WDPCP: variants seen among roughly 807,000 people sequenced by gnomAD.
WDPCP encodes the protein WD repeat containing planar cell polarity effector, also known as WD repeat-containing and planar cell polarity effector protein fritz homolog.
Under a neutral mutation model 93.1 loss-of-function variants are expected in WDPCP, and 71 were observed. That is an observed-to-expected ratio of 0.76 (90% CI 0.63 to 0.93). The LOEUF is 0.93. WDPCP is among the 40% of genes least tolerant of loss of function. WDPCP has a pLI of 0.00. For synonymous variants in WDPCP, 315 were observed against 315.0 expected (o/e 1.00, Z 0.00); for missense variants, 844 against 887.4 (o/e 0.95, Z 0.62).
intron 14 of WDPCP, among the ~76,000 whole-genome samples, chr2:63,235,541 A>G (rs920375324): frequency 6.6e-6 from 1 of 152,176 alleles, no homozygotes; most frequent in African/African-American, 2.4e-5. Context: ...CAAAGACACA[A>G]TGAAAACAGA....
At chr2:63,776,655 C>CAAAAAAAAAAAAAAAAAAAA in intron 2 of WDPCP, among the ~76,000 whole-genome samples, 1 of 54,008 alleles carries the variant, frequency 1.9e-5, no homozygotes, top group Non-Finnish European at 3.2e-5. Context: ...GGCCCTGTCT[C>CAAAAAAAAAAAAAAAAAAAA]AAAAAAAAAA....
At chr2:63,546,174 T>G (rs938283772) in intron 1 of WDPCP, among the ~76,000 whole-genome samples, 6 of 152,150 alleles carry the variant, frequency 3.9e-5, no homozygotes, top group African/African-American at 1.4e-4. Context: ...ATCAGCAAAA[T>G]GGAGAAATGG....
Position 63,588,206 on chromosome 2 carries a change from G to T in WDPCP, c.66C>A (p.Leu22=). Residue 22 remains leucine, a synonymous_variant, in exon 1 of 18, where the codon CTC becomes CTA. Coordinates refer to ENST00000272321, the MANE Select transcript of WDPCP (RefSeq NM_015910.7). The stretch of plus-strand genomic sequence containing the variant: ...TCGGGCCAGGGCTCACCTGTCTCGG[G>T]AGTGGGGAAGAAGCGCGACTCCCGG... ...KAAGSRASSP[L]PRQDRDSFCH... is the part of the protein sequence containing the mutation. The T allele has an allele frequency of 6.4e-7, 1 of 1,569,632 alleles. No homozygotes were observed. The highest frequency in any genetic ancestry group is 8.7e-7 in the Non-Finnish European group (1 of 1,155,050).
At chr2:63,775,838 G>T (rs561747320) in intron 2 of WDPCP, among the ~76,000 whole-genome samples, 2 of 152,216 alleles carry the variant, frequency 1.3e-5, no homozygotes, top group African/African-American at 4.8e-5. Context: ...ATACCCAGAT[G>T]CCCAGGCTTA....
At chr2:63,736,339 G>C (rs904508187) in intron 2 of WDPCP, among the ~76,000 whole-genome samples, 2 of 152,214 alleles carry the variant, frequency 1.3e-5, no homozygotes, top group Non-Finnish European at 2.9e-5. Context: ...AGGTATTGCT[G>C]TCTGGATGAA....
In WDPCP at chr2:63,135,886, G is replaced by C. The variant is rs551870653; in HGVS notation, c.2191-13830C>G. Among the ~76,000 whole-genome samples the C allele has an allele frequency of 8.5e-5, 13 of 152,088 alleles. No individual in the cohort carries two copies. The East Asian group carries it at 1.9e-3, about 23-fold the overall frequency. ...AGCTGGGACTACAGGCACGTGTACC[G>C]TGTCTGGCTAATTAAAAAAAATTTT... is the stretch of plus-strand genomic sequence containing the variant. On this transcript the variant is annotated intron_variant, in intron 17 of 17. Coordinates refer to ENST00000272321, the MANE Select transcript of WDPCP (RefSeq NM_015910.7).
At chr2:63,273,405 G>T (rs543255838) in intron 13 of WDPCP, among the ~76,000 whole-genome samples, 2 of 145,258 alleles carry the variant, frequency 1.4e-5, no homozygotes, top group African/African-American at 2.5e-5. Context: ...AAGAGAGGAA[G>T]AAAAGAATAA....
chr2:63,146,671 G>A (rs1042497694), intron 17 of WDPCP, among the ~76,000 whole-genome samples: 10 of 152,138 alleles, frequency 6.6e-5, no homozygotes, highest in African/African-American at 2.4e-4. Flanking sequence ...CACTGTTCCC[G>A]GCCGAGAGTT....
At chr2:63,461,239 A>G (rs1038475897) in intron 6 of WDPCP, among the ~76,000 whole-genome samples, 6 of 152,146 alleles carry the variant, frequency 3.9e-5, no homozygotes, top group African/African-American at 1.4e-4. Flanking sequence ...CCAGTGTTGG[A>G]GGTGGGGCCT....
intron 14 of WDPCP, among the ~76,000 whole-genome samples, chr2:63,235,203 C>G (rs1173256940): frequency 6.6e-6 from 1 of 152,086 alleles, no homozygotes; most frequent in Non-Finnish European, 1.5e-5. Context: ...TCCTCAGAAA[C>G]TGATACAAAC....
chr2:63,172,445 C>A (rs576649482), intron 15 of WDPCP, among the ~76,000 whole-genome samples: 1 of 152,196 alleles, frequency 6.6e-6, no homozygotes, highest in South Asian at 2.1e-4. Context: ...GAGGTCAAGG[C>A]TGCAGTAAGC....
chr2:63,670,613 G>T (rs56679885), intron 2 of WDPCP, among the ~76,000 whole-genome samples: 2,166 of 152,258 alleles, frequency 0.014, 58 homozygotes, highest in African/African-American at 0.049. Context: ...TAGAGGTAAA[G>T]TGTATATGGT....
intron 3 of WDPCP, among the ~76,000 whole-genome samples, chr2:63,602,347 G>GTTTTTTTTTTTTTTTTT (rs144884000): frequency 9.6e-6 from 1 of 104,004 alleles, no homozygotes; most frequent in African/African-American, 3.7e-5. Context: ...GTTGGTTGGG[G>GTTTTTTTTTTTTTTTTT]TTTTTTTTTT....
rs187160569 is a variant in WDPCP, at chr2:63,231,971, A to G, written c.1915+27336T>C. Among the ~76,000 whole-genome samples, 43 of 152,312 alleles carry G rather than the reference A, an allele frequency of 2.8e-4. No homozygotes were observed. In the East Asian group the frequency reaches 7.9e-3, roughly 28 times the overall value. Reference sequence around the variant, plus strand: ...GTACCCAAAACAGCATGGTACTGGTACCAAAACAGAGATATAGACCAATGC... The same window carrying G: ...GTACCCAAAACAGCATGGTACTGGTGCCAAAACAGAGATATAGACCAATGC... On this transcript the variant is annotated intron_variant, in intron 14 of 17. Coordinates refer to ENST00000272321, the MANE Select transcript of WDPCP (RefSeq NM_015910.7).
intron 13 of WDPCP, among the ~76,000 whole-genome samples, chr2:63,310,208 C>T (rs1437644391): frequency 6.6e-6 from 1 of 152,114 alleles, no homozygotes; most frequent in Non-Finnish European, 1.5e-5. Context: ...GCATTATCAT[C>T]ACCACAGGTA....
intron 13 of WDPCP, among the ~76,000 whole-genome samples, chr2:63,289,464 T>C (rs1260925022): frequency 6.6e-6 from 1 of 152,082 alleles, no homozygotes; most frequent in Non-Finnish European, 1.5e-5. Context: ...TTTAGAGAAG[T>C]ATTATTTACT....
intron 10 of WDPCP, among the ~76,000 whole-genome samples, chr2:63,393,150 G>A (rs534761710): frequency 6.6e-6 from 1 of 152,314 alleles, no homozygotes; most frequent in Admixed American, 6.5e-5. Flanking sequence ...GTCCATCAGT[G>A]ATAGACTGGA....
chr2:63,541,342 G>A (rs1266546046), intron 1 of WDPCP, among the ~76,000 whole-genome samples: 2 of 151,996 alleles, frequency 1.3e-5, no homozygotes, highest in Admixed American at 6.6e-5. Flanking sequence ...GTAAACAAAT[G>A]GCTTGTTACT....
chr2:63,529,881 G>T (rs571738967), intron 1 of WDPCP, among the ~76,000 whole-genome samples: 2 of 152,284 alleles, frequency 1.3e-5, no homozygotes, highest in African/African-American at 4.8e-5. Context: ...TTCAGACCCT[G>T]TTATTGGTCT....
Sources: allele counts gnomAD v4.1 joint callset (sites outside exome capture counted in the v4.1 genomes callset), GRCh38; gene constraint gnomAD v4.1.1; transcripts MANE v1.5; gene names NCBI Gene and HGNC (gene_info 2026-07-23, HGNC 2026-07-21).